Variants in CDK17 observed in about 807,000 individuals in gnomAD.
CDK17 encodes cyclin-dependent kinase 17.
CDK17 carries 24 observed loss-of-function variants against 77.6 expected under a neutral mutation model. The ratio of observed to expected loss-of-function variants is 0.31; its 90% CI spans 0.22 to 0.44. The LOEUF (loss-of-function observed/expected upper bound fraction) is 0.44, where lower values mean the gene tolerates loss of function less well. CDK17 is among the 20% of genes least tolerant of loss of function. The probability of loss-of-function intolerance (pLI) is 1.00; values close to 1 mark genes in which losing one functional copy is unlikely to be tolerated. For missense variants in CDK17, 429 were observed against 622.5 expected (o/e 0.69, Z 3.31); for synonymous variants, 203 against 210.4 (o/e 0.96, Z 0.30).
chr12:96,370,816 G>C (rs1953678904), intron 1 of CDK17, among the ~76,000 whole-genome samples: 1 of 152,020 alleles, frequency 6.6e-6, no homozygotes, highest in African/African-American at 2.4e-5. Context: ...TTTAAGATTT[G>C]TTAACTTCGT....
chr12:96,334,486 T>C (rs1241010220), intron 2 of CDK17, among the ~76,000 whole-genome samples: 5 of 152,196 alleles, frequency 3.3e-5, no homozygotes, highest in Admixed American at 6.5e-5. Flanking sequence ...ATATGTGGAA[T>C]AGAACAATTC....
At chr12:96,350,425 C>G (rs1592746806) in intron 1 of CDK17, among the ~76,000 whole-genome samples, 1 of 150,338 alleles carries the variant, frequency 6.7e-6, no homozygotes, top group South Asian at 2.1e-4. Context: ...TAGTTTTGAA[C>G]TAGAAGAACA....
At chr12:96,385,333 TAAC>T (rs1259049680) in intron 1 of CDK17, among the ~76,000 whole-genome samples, 1 of 151,564 alleles carries the variant, frequency 6.6e-6, no homozygotes, top group Non-Finnish European at 1.5e-5. Context: ...AAAAAGATGT[TAAC>T]AACAGACACT....
intron 9 of CDK17, 176 bp from the exon 10 acceptor site, chr12:96,295,298 T>TA (rs1396596804): frequency 4.7e-6 from 2 of 429,228 alleles, no homozygotes; most frequent in Non-Finnish European, 8.2e-6. Context: ...TTTCTGAATT[T>TA]AATAGTTTAT....
intron 1 of CDK17, among the ~76,000 whole-genome samples, chr12:96,357,043 ATC>A (rs1953404576): frequency 6.6e-6 from 1 of 152,246 alleles, no homozygotes; most frequent in African/African-American, 2.4e-5. Context: ...TAGAAATGTC[ATC>A]TGATGCTTTT....
chr12:96,380,105 C>A (rs1470802113), intron 1 of CDK17, among the ~76,000 whole-genome samples: 1 of 151,076 alleles, frequency 6.6e-6, no homozygotes, highest in Non-Finnish European at 1.5e-5. Context: ...GGAGGTTGAG[C>A]CTGCAGTGAG....
At chr12:96,325,216 C>T (rs1251788306) in intron 2 of CDK17, among the ~76,000 whole-genome samples, 1 of 152,156 alleles carries the variant, frequency 6.6e-6, no homozygotes, top group East Asian at 1.9e-4. Flanking sequence ...CTGGGCTGCT[C>T]TGAATACCTT....
At chr12:96,334,918 AG>A in intron 1 of CDK17, 53 bp from the exon 2 acceptor site, 1 of 755,946 alleles carries the variant, frequency 1.3e-6, no homozygotes, top group Non-Finnish European at 2.3e-6. Context: ...TTACCACTGA[AG>A]AAAAATACCG....
intron 1 of CDK17, among the ~76,000 whole-genome samples, chr12:96,352,323 T>C (rs759735035): frequency 6.6e-6 from 1 of 150,788 alleles, no homozygotes; most frequent in Non-Finnish European, 1.5e-5. Context: ...CAAAGGAAGG[T>C]GGCAGGGTAT....
At chr12:96,341,088 T>C (rs1953115125) in intron 1 of CDK17, among the ~76,000 whole-genome samples, 1 of 152,150 alleles carries the variant, frequency 6.6e-6, no homozygotes, top group Non-Finnish European at 1.5e-5. Context: ...TGAGAACATG[T>C]AGTATTTGGT....
chr12:96,393,437 A>G (rs1954109664), intron 1 of CDK17, among the ~76,000 whole-genome samples: 1 of 148,692 alleles, frequency 6.7e-6, no homozygotes, highest in South Asian at 2.1e-4. Flanking sequence ...ATTTTACTTC[A>G]GAATCAGTAA....
chr12:96,317,306 C>A (rs1337659221), intron 3 of CDK17, among the ~76,000 whole-genome samples: 1 of 132,496 alleles, frequency 7.5e-6, no homozygotes, highest in Non-Finnish European at 1.6e-5. Context: ...TGTGAAAAGA[C>A]CAAATCTACG....
intron 1 of CDK17, among the ~76,000 whole-genome samples, chr12:96,364,744 G>T (rs999290513): frequency 2.6e-5 from 4 of 152,150 alleles, no homozygotes; most frequent in African/African-American, 7.2e-5. Flanking sequence ...CCTAAAAACA[G>T]AAAATATTTT....
At chr12:96,314,889 G>A (rs981446451) in intron 3 of CDK17, among the ~76,000 whole-genome samples, 6 of 152,180 alleles carry the variant, frequency 3.9e-5, no homozygotes, top group Non-Finnish European at 8.8e-5. Flanking sequence ...TCATCACTCA[G>A]TGAAGTCTTT....
intron 1 of CDK17, among the ~76,000 whole-genome samples, chr12:96,391,486 T>C (rs1292154442): frequency 7.4e-6 from 1 of 135,900 alleles, no homozygotes; most frequent in Non-Finnish European, 1.6e-5. Context: ...AGATGGGGTT[T>C]CGCCATGTTG....
intron 1 of CDK17, among the ~76,000 whole-genome samples, chr12:96,374,275 G>T (rs1953743482): frequency 6.6e-6 from 1 of 152,200 alleles, no homozygotes; most frequent in South Asian, 2.1e-4. Flanking sequence ...ATTCTTAGGT[G>T]AAGAATGTCA....
rs1271984644 is a variant in CDK17 at position 96,334,884 on chromosome 12, C to T, written c.-29-19G>A. ...AAAAATCCTGAAAGAAAAGAATAAA[C>T]ACAAAACTAAAGCTATAAATATTTT... On this transcript the variant is annotated intron_variant, in intron 1 of 16. Transcript: ENST00000261211. The T allele has an allele frequency of 1.0e-6, 1 of 969,962 alleles. No homozygotes were observed. Among genetic ancestry groups the T allele is most frequent in the Admixed American group, 1.8e-5 (1 of 55,808 alleles). The allele number at this position is 969,962 out of a possible 1,614,324, so 60.1% of individuals were successfully genotyped here.
intron 1 of CDK17, among the ~76,000 whole-genome samples, chr12:96,384,499 A>G (rs1953937882): frequency 6.6e-6 from 1 of 152,078 alleles, no homozygotes; most frequent in South Asian, 2.1e-4. Flanking sequence ...AAGACATGGA[A>G]TCAACCTAGG....
chr12:96,316,970 G>A (rs1178913959), intron 3 of CDK17, among the ~76,000 whole-genome samples: 7 of 149,730 alleles, frequency 4.7e-5, no homozygotes, highest in African/African-American at 9.8e-5. Flanking sequence ...TGACTTTGAC[G>A]AGCTGAGAGA....
Sources: allele counts gnomAD v4.1 joint callset (sites outside exome capture counted in the v4.1 genomes callset), GRCh38; gene constraint gnomAD v4.1.1; transcripts MANE v1.5; gene names NCBI Gene and HGNC (gene_info 2026-07-23, HGNC 2026-07-21).